The following EFL1 variants were observed in gnomAD, a reference collection of about 807,000 sequenced individuals.
The protein encoded by EFL1 is elongation factor like GTPase 1.
Under a neutral mutation model 126.7 loss-of-function variants are expected in EFL1, and 76 were observed. The observed-to-expected ratio is 0.60, with a 90% confidence interval of 0.50 to 0.73. The LOEUF is 0.73. Ranked by LOEUF, EFL1 falls within the 30% of genes least tolerant of loss-of-function variation. The pLI, the probability that EFL1 is intolerant of heterozygous loss-of-function variation, is 0.00. For missense variants in EFL1, 1,128 were observed against 1,343.2 expected (o/e 0.84, Z 2.50); for synonymous variants, 410 against 448.4 (o/e 0.91, Z 1.08).
At position 82,259,906 on chromosome 15, in the gene EFL1, C is replaced by T. The variant is rs147609062; in HGVS notation, c.92-751G>A. Reference sequence around the variant, plus strand: ...GTAGGAGAACTGAAGATATTTAACACTGCTATCTGTCTGCAATGTAAATAT... The same window carrying T: ...GTAGGAGAACTGAAGATATTTAACATTGCTATCTGTCTGCAATGTAAATAT... On this transcript the variant is annotated intron_variant, in intron 2 of 19. Coordinates refer to ENST00000268206, the MANE Select transcript of EFL1 (RefSeq NM_024580.6). Among the ~76,000 whole-genome samples the T allele has an allele frequency of 3.8e-3, 583 of 152,284 alleles. 1 individual carries two copies. Among genetic ancestry groups the T allele is most frequent in the Non-Finnish European group, 6.5e-3 (444 of 68,024 alleles).
intron 18 of EFL1, among the ~76,000 whole-genome samples, chr15:82,148,909 A>G (rs924029764): frequency 6.6e-6 from 1 of 152,220 alleles, no homozygotes; most frequent in Non-Finnish European, 1.5e-5. Flanking sequence ...ACATGTTTAT[A>G]CAAGTATGAG....
intron 4 of EFL1, among the ~76,000 whole-genome samples, chr15:82,249,866 G>C (rs57755547): frequency 0.013 from 2,031 of 152,134 alleles, 60 homozygotes; most frequent in African/African-American, 0.047. Flanking sequence ...TCTATAATGT[G>C]CAGGATTTAT....
At chr15:82,136,856 G>A (rs2073727567) in intron 19 of EFL1, among the ~76,000 whole-genome samples, 1 of 152,086 alleles carries the variant, frequency 6.6e-6, no homozygotes, top group African/African-American at 2.4e-5. Flanking sequence ...TCAGATATAA[G>A]CCAGCAAAGC....
intron 15 of EFL1, among the ~76,000 whole-genome samples, chr15:82,199,335 G>A (rs2074443058): frequency 6.6e-6 from 1 of 152,188 alleles, no homozygotes; most frequent in Admixed American, 6.5e-5. Context: ...GAGAGAAAGA[G>A]AGAGAGATCC....
chr15:82,147,837 G>C (rs182900303), intron 18 of EFL1, among the ~76,000 whole-genome samples: 1 of 152,022 alleles, frequency 6.6e-6, no homozygotes, highest in Non-Finnish European at 1.5e-5. Flanking sequence ...TATTTTAAGA[G>C]GACATGCACA....
intron 7 of EFL1, among the ~76,000 whole-genome samples, chr15:82,237,292 GA>G: frequency 6.6e-6 from 1 of 152,098 alleles, no homozygotes; most frequent in Admixed American, 6.5e-5. Flanking sequence ...GTTTAGAATA[GA>G]AAAAACTCTC....
At chr15:82,241,545 AC>A in intron 4 of EFL1, 142 bp from the exon 5 acceptor site, 1 of 1,015,508 alleles carries the variant, frequency 9.8e-7, no homozygotes, top group Non-Finnish European at 1.4e-6. Flanking sequence ...ATCCAGAGCT[AC>A]CATTCCAACT....
intron 15 of EFL1, among the ~76,000 whole-genome samples, chr15:82,170,719 T>G (rs1156434427): frequency 6.6e-6 from 1 of 152,250 alleles, no homozygotes; most frequent in Non-Finnish European, 1.5e-5. Context: ...TTAATTTTTT[T>G]GTATATATTG....
At chr15:82,240,676 T>G in intron 5 of EFL1, 121 bp from the exon 6 acceptor site, 1 of 1,138,934 alleles carries the variant, frequency 8.8e-7, no homozygotes, top group South Asian at 1.6e-5. Context: ...TCATTAGGCA[T>G]TCACAAACTA....
Position 82,152,092 on chromosome 15 carries a change from T to C in EFL1, c.2362A>G (p.Asn788Asp). ...QLTSSLNEGE[N>D]THMIHQKTQE... ...GTCTTCTGATGAATCATGTGAGTATTTTCACCCTCATTCAAAGAGGATGTC... is the reference window on the plus strand; with the variant it reads ...GTCTTCTGATGAATCATGTGAGTATCTTCACCCTCATTCAAAGAGGATGTC... Residue 788 changes from asparagine (N) to aspartate (D), a missense_variant, in exon 18 of 20, where the codon AAT becomes GAT. Asn to Asp is a conservative substitution (Grantham distance 23, BLOSUM62 1). Around this residue, in one of 6 missense-constraint regions of EFL1, gnomAD observed 561 missense variants for 641.7 expected, o/e 0.87. Transcript: ENST00000268206. 1 of 1,614,126 alleles carries C rather than the reference T, an allele frequency of 6.2e-7. No individual in the cohort carries two copies. Among genetic ancestry groups the C allele is most frequent in the Non-Finnish European group, 8.5e-7 (1 of 1,180,024 alleles).
At chr15:82,149,047 G>A (rs1460441467) in intron 18 of EFL1, among the ~76,000 whole-genome samples, 1 of 151,658 alleles carries the variant, frequency 6.6e-6, no homozygotes, top group Non-Finnish European at 1.5e-5. Context: ...TAACTTCATC[G>A]AAACATTTGA....
intron 15 of EFL1, among the ~76,000 whole-genome samples, chr15:82,164,768 G>A (rs2074060619): frequency 6.6e-6 from 1 of 151,960 alleles, no homozygotes; most frequent in African/African-American, 2.4e-5. Context: ...GTGGTGGTGG[G>A]CGCCTGTAGT....
intron 18 of EFL1, among the ~76,000 whole-genome samples, chr15:82,144,499 T>C (rs2073822000): frequency 1.3e-5 from 2 of 152,170 alleles, no homozygotes; most frequent in Admixed American, 6.5e-5. Context: ...AAAGCTTCCC[T>C]AGAAAACCAT....
chr15:82,135,264 A>T (rs2455717), intron 19 of EFL1, among the ~76,000 whole-genome samples: 67,926 of 151,488 alleles, frequency 0.45, 15,601 homozygotes, highest in East Asian at 0.6. Flanking sequence ...AATATTTTTT[A>T]AAAAAAGTAT....
At chr15:82,228,072 A>T (rs1384026399) in intron 10 of EFL1, 119 bp downstream of exon 10, 4 of 1,244,916 alleles carry the variant, frequency 3.2e-6, no homozygotes, top group Non-Finnish European at 4.4e-6. Context: ...CTAAATAAGC[A>T]GAGAAGACTT....
chr15:82,215,954 T>C (rs1050242510), intron 14 of EFL1, among the ~76,000 whole-genome samples: 3 of 151,898 alleles, frequency 2.0e-5, no homozygotes, highest in Admixed American at 2.0e-4. Context: ...TAGAAAGAAA[T>C]GGAATTATCT....
At chr15:82,198,419 T>C (rs1250646470) in intron 15 of EFL1, among the ~76,000 whole-genome samples, 3 of 152,318 alleles carry the variant, frequency 2.0e-5, no homozygotes, top group Middle Eastern at 3.4e-3. Context: ...CTAGTCCTCA[T>C]GGATCCAATC....
chr15:82,227,555 G>A lies in EFL1; in HGVS notation c.1087C>T (p.Leu363Phe), dbSNP rs746458661. The A allele has an allele frequency of 6.2e-7, 1 of 1,614,154 alleles. No homozygotes were observed. The highest frequency in any genetic ancestry group is 8.5e-7 in the Non-Finnish European group (1 of 1,180,012). The change falls in exon 11 of 20, where the codon CTT becomes TTT. Residue 363 changes from leucine (L) to phenylalanine (F), a missense_variant. By Grantham distance (22) the Leu-to-Phe change is conservative. This residue lies in a region of EFL1 where 316 missense variants were observed against 318.5 expected (regional missense o/e 0.99). Coordinates refer to ENST00000268206, the MANE Select transcript of EFL1 (RefSeq NM_024580.6). ...GCTGTAATATCAAGGGGACTAGGAAGTTTCTGACACACCATAGCTGAAGTC... is the reference window on the plus strand; with the variant it reads ...GCTGTAATATCAAGGGGACTAGGAAATTTCTGACACACCATAGCTGAAGTC... ...HAVLAMVCQK[L>F]PSPLDITAER...
chr15:82,130,473 C>T lies in EFL1; in HGVS notation c.3263G>A (p.Arg1088Gln), dbSNP rs575629747. 30 of 1,614,120 alleles carry T rather than the reference C, an allele frequency of 1.9e-5. No individual in the cohort carries two copies. Among genetic ancestry groups the T allele is most frequent in the Admixed American group, 8.3e-5 (5 of 60,012 alleles). The part of the protein sequence containing the change: ...GEKADSENQA[R>Q]KYMNAVRKRK... ...CTTTCGTACTGCGTTCATGTACTTC[C>T]GGGCTTGGTTCTCAGAGTCAGCCTT... Residue 1088 changes from arginine to glutamine, a missense_variant, in exon 20 of 20, where the codon CGG becomes CAG. Arg to Gln is a conservative substitution (Grantham distance 43, BLOSUM62 1). Around this residue, in one of 6 missense-constraint regions of EFL1, gnomAD observed 561 missense variants for 641.7 expected, o/e 0.87. Transcript: ENST00000268206.
Sources: allele counts gnomAD v4.1 joint callset (sites outside exome capture counted in the v4.1 genomes callset), GRCh38; gene constraint gnomAD v4.1.1; regional missense constraint gnomAD v4.1.1; transcripts MANE v1.5; gene names NCBI Gene and HGNC (gene_info 2026-07-23, HGNC 2026-07-21).